Variants in SACS observed in about 807,000 individuals in gnomAD.
SACS encodes the protein sacsin.
A neutral mutation model predicts 348.0 loss-of-function variants in SACS; 197 were observed. The observed-to-expected ratio is 0.57, with a 90% confidence interval of 0.50 to 0.64. The LOEUF (loss-of-function observed/expected upper bound fraction) is 0.64. Ranked by LOEUF, SACS falls within the 30% of genes least tolerant of loss-of-function variation. The probability of loss-of-function intolerance (pLI) is 0.00; values close to 1 mark genes in which losing one functional copy is unlikely to be tolerated. For missense variants in SACS, 4,999 were observed against 5,360.8 expected (o/e 0.93, Z 2.11); for synonymous variants, 1,985 against 1,910.6 (o/e 1.04, Z -1.02).
At chr13:23,360,754 C>CTTTT (rs11340654) in intron 6 of SACS, among the ~76,000 whole-genome samples, 3 of 125,330 alleles carry the variant, frequency 2.4e-5, no homozygotes, top group South Asian at 2.6e-4. Context: ...CTCCAAGGTA[C>CTTTT]TTTTTTTTTT....
Position 23,375,546 on chromosome 13 carries a change from G to C in SACS, c.21-277C>G, listed in dbSNP as rs979754555. ...AAGCCGCGGCGGCCGAGGAGCAGGC[G>C]GGGGCGGGGACTGCGCGCTCCCGGC... On this transcript the variant is annotated intron_variant, in intron 2 of 9. Coordinates refer to ENST00000382292, the MANE Select transcript of SACS (RefSeq NM_014363.6). The C allele has an allele frequency of 1.9e-4, 198 of 1,061,846 alleles. 1 individual carries two copies. The highest frequency in any genetic ancestry group is 7.8e-5 in the Non-Finnish European group (69 of 880,116). The allele number at this position is 1,061,846 out of a possible 1,614,324, so 65.8% of individuals were successfully genotyped here.
rs774627698 is a variant in SACS at position 23,354,810 on chromosome 13, A to G, written c.1802T>C (p.Ile601Thr). ...ATCCACATTCCCTGGTACCTTGGCA[A>G]TCTGCTTCCCTGAGCTCTGGAGGTA... is the stretch of plus-strand genomic sequence containing the variant. ...LNYLQSSGKQ[I>T]AKVPGNVDAA... is the part of the protein sequence containing the mutation. The change falls in exon 8 of 10, where the codon ATT becomes ACT. Residue 601 changes from isoleucine (I) to threonine (T), a missense_variant. Ile to Thr is a moderately conservative substitution (Grantham distance 89). Transcript: ENST00000382292. 2 of 1,614,210 alleles carry G rather than the reference A, an allele frequency of 1.2e-6. No homozygotes were observed. The highest frequency in any genetic ancestry group is 2.2e-5 in the East Asian group (1 of 44,886).
chr13:23,334,709 T>C lies in SACS; in HGVS notation c.9167A>G (p.Tyr3056Cys), dbSNP rs1199241042. The C allele has an allele frequency of 4.3e-6, 7 of 1,613,806 alleles. No individual in the cohort carries two copies. Among genetic ancestry groups the C allele is most frequent in the South Asian group, 3.3e-5 (3 of 91,080 alleles). Residue 3056 changes from tyrosine to cysteine, a missense_variant, in exon 10 of 10, where the codon TAT becomes TGT. Transcript: ENST00000382292. Reference protein sequence around the residue: ...TTRKTVAENVYRLKHLLLEIG... With the variant: ...TTRKTVAENVCRLKHLLLEIG... ...TTCTAAAAGGAGATGTTTCAGCCTA[T>C]AGACATTCTCTGCTACTGTTTTGCG...
At chr13:23,387,244 G>T (rs1310748736) in intron 2 of SACS, among the ~76,000 whole-genome samples, 1 of 151,968 alleles carries the variant, frequency 6.6e-6, no homozygotes, top group Non-Finnish European at 1.5e-5. Context: ...CAGATCACGA[G>T]GTCAGGAGAT....
At chr13:23,342,065 G>A (rs566346818) in intron 9 of SACS, among the ~76,000 whole-genome samples, 5 of 152,110 alleles carry the variant, frequency 3.3e-5, no homozygotes, top group African/African-American at 1.2e-4. Flanking sequence ...GGGATTACAG[G>A]CATGAGCCAC....
intron 1 of SACS, among the ~76,000 whole-genome samples, chr13:23,425,376 G>A (rs1427226983): frequency 2.6e-5 from 4 of 152,274 alleles, no homozygotes; most frequent in African/African-American, 9.6e-5. Flanking sequence ...TGTCCACCTG[G>A]GGCCTATGTG....
intron 9 of SACS, among the ~76,000 whole-genome samples, chr13:23,352,305 A>C (rs1036785548): frequency 4.6e-5 from 7 of 152,262 alleles, no homozygotes; most frequent in Admixed American, 3.9e-4. Context: ...ATCTGGATGA[A>C]TCTCACCAGC....
chr13:23,377,487 T>A (rs4770437), intron 2 of SACS, among the ~76,000 whole-genome samples: 69,284 of 151,972 alleles, frequency 0.46, 17,515 homozygotes, highest in Admixed American at 0.61. Context: ...AGAACAGACA[T>A]CTTTGCTCCC....
At chr13:23,398,696 C>T (rs4391906) in intron 2 of SACS, among the ~76,000 whole-genome samples, 26,902 of 151,718 alleles carry the variant, frequency 0.18, 2,543 homozygotes, top group Non-Finnish European at 0.21. Context: ...CTGGGATCAA[C>T]GGAAAGGAAT....
intron 1 of SACS, among the ~76,000 whole-genome samples, chr13:23,424,979 T>C (rs1874109115): frequency 6.6e-6 from 1 of 152,268 alleles, no homozygotes; most frequent in Non-Finnish European, 1.5e-5. Flanking sequence ...ATGTGCTTTA[T>C]TATATCACTG....
Position 23,330,457 on chromosome 13 carries a change from C to A in SACS, c.13419G>T (p.Val4473=). The change falls in exon 10 of 10, where the codon GTG becomes GTT. Residue 4473 remains valine (V), a synonymous_variant. Transcript: ENST00000382292. ...TGGTAGAAAGGTAACATTTAAAGCACACCCACTCATTGGCATTTTTATGAA... is the reference window on the plus strand; with the variant it reads ...TGGTAGAAAGGTAACATTTAAAGCAAACCCACTCATTGGCATTTTTATGAA... ...NDLHKNANEW[V]CFKCYLSTKL... 1 of 1,614,214 alleles carries A rather than the reference C, an allele frequency of 6.2e-7. No individual in the cohort carries two copies. Among genetic ancestry groups the A allele is most frequent in the Non-Finnish European group, 8.5e-7 (1 of 1,180,034 alleles).
Position 23,332,182 on chromosome 13 carries a change from A to T in SACS, c.11694T>A (p.Asp3898Glu). The T allele has an allele frequency of 6.2e-7, 1 of 1,614,036 alleles. No homozygotes were observed. Among genetic ancestry groups the T allele is most frequent in the East Asian group, 2.2e-5 (1 of 44,874 alleles). Reference protein sequence around the residue: ...LQNDSVKVRSDLENVRDLALY... With the variant: ...LQNDSVKVRSELENVRDLALY... ...GCGCAAGGTCTCGTACATTCTCGAG[A>T]TCACTCCTCACCTTGACTGAATCAT... The change falls in exon 10 of 10, where the codon GAT (aspartate) becomes GAA (glutamate). Residue 3898 changes from aspartate (D) to glutamate (E), a missense_variant. Asp to Glu is a conservative substitution (Grantham distance 45, BLOSUM62 2). Transcript: ENST00000382292.
intron 1 of SACS, among the ~76,000 whole-genome samples, chr13:23,416,915 G>A (rs1873712189): frequency 6.6e-6 from 1 of 152,140 alleles, no homozygotes; most frequent in South Asian, 2.1e-4. Context: ...GGAACAGGGA[G>A]GAGGGGAAGG....
At chr13:23,341,762 A>C in intron 9 of SACS, 72 bp from the exon 10 acceptor site, 1 of 1,215,670 alleles carries the variant, frequency 8.2e-7, no homozygotes, top group Non-Finnish European at 1.2e-6. Context: ...CTCACAAATA[A>C]CACAGTACTG....
chr13:23,362,738 A>C (rs1870817348), intron 6 of SACS, among the ~76,000 whole-genome samples: 1 of 151,746 alleles, frequency 6.6e-6, no homozygotes, highest in Non-Finnish European at 1.5e-5. Context: ...GATATGCATC[A>C]CCACGCACGG....
At chr13:23,342,210 G>C (rs1869302909) in intron 9 of SACS, among the ~76,000 whole-genome samples, 2 of 152,094 alleles carry the variant, frequency 1.3e-5, no homozygotes, top group African/African-American at 4.8e-5. Flanking sequence ...AATAACCTGT[G>C]ACAAAAATAA....
rs1226694880 is a variant in SACS, at chr13:23,375,451, C to T, written c.21-182G>A. On this transcript the variant is annotated intron_variant, in intron 2 of 9. Transcript: ENST00000382292. ...ACCGCGTCCACAGGCCCCGCGCGGG[C>T]CGGGAGGGCGGGATCCGCATGGCGC... is the stretch of plus-strand genomic sequence containing the variant. 21 of 1,178,956 alleles carry T rather than the reference C, an allele frequency of 1.8e-5. No individual in the cohort carries two copies. The East Asian group carries it at 6.9e-4, about 39-fold the overall frequency. The allele number at this position is 1,178,956 out of a possible 1,614,324, so 73.0% of individuals were successfully genotyped here. A position where few individuals can be genotyped will look rare whatever the true frequency, so the allele number is the denominator to read the frequency against.
In SACS at chr13:23,337,976, A is replaced by G. The variant is rs183052163; in HGVS notation, c.5900T>C (p.Ile1967Thr). Residue 1967 changes from isoleucine (I) to threonine (T), a missense_variant, in exon 10 of 10, where the codon ATA (isoleucine) becomes ACA (threonine). Around this residue, in one of 6 missense-constraint regions of SACS, gnomAD observed 3,156 missense variants for 3,380.1 expected, o/e 0.93. Transcript: ENST00000382292. ...CAGTTCTTTCCCTTTTCCATGAGCTATATCTTCATAAAATCCTTGGCAAAT... is the reference window on the plus strand; with the variant it reads ...CAGTTCTTTCCCTTTTCCATGAGCTGTATCTTCATAAAATCCTTGGCAAAT... ...SVICQGFYED[I>T]AHGKGKELTK... The G allele has an allele frequency of 2.0e-5, 32 of 1,614,022 alleles. 1 individual carries two copies. The highest frequency in any genetic ancestry group is 9.9e-5 in the South Asian group (9 of 91,076).
At chr13:23,389,944 G>A (rs913462180) in intron 2 of SACS, among the ~76,000 whole-genome samples, 2 of 152,084 alleles carry the variant, frequency 1.3e-5, no homozygotes, top group Non-Finnish European at 2.9e-5. Flanking sequence ...AATAATATGC[G>A]ACCACTTTTA....
Sources: gnomAD v4.1 joint callset for allele counts (sites outside exome capture counted in the v4.1 genomes callset) on GRCh38, gnomAD v4.1.1 for gene constraint, gnomAD v4.1.1 regional missense constraint, MANE v1.5 for transcripts, NCBI Gene and HGNC (gene_info 2026-07-23, HGNC 2026-07-21) for gene names.